The following AGBL4 variants were observed in gnomAD, a reference collection of about 807,000 sequenced individuals.
AGBL4 encodes cytosolic carboxypeptidase 6.
Under a neutral mutation model 66.4 loss-of-function variants are expected in AGBL4, and 58 were observed. The observed-to-expected ratio is 0.87, with a 90% CI of 0.71 to 1.09. The LOEUF (loss-of-function observed/expected upper bound fraction) is 1.09, where lower values mean the gene tolerates loss of function less well. Among genes scored for constraint, AGBL4 ranks in the 50% least tolerant of loss-of-function variants. AGBL4 has a pLI of 0.00. For missense variants in AGBL4, 579 were observed against 631.0 expected (o/e 0.92, Z 0.88); for synonymous variants, 234 against 222.9 (o/e 1.05, Z -0.44).
At chr1:49,749,527 A>G (rs1357977632) in intron 2 of AGBL4, among the ~76,000 whole-genome samples, 2 of 152,228 alleles carry the variant, frequency 1.3e-5, no homozygotes, top group African/African-American at 2.4e-5. Flanking sequence ...CAAATTAACT[A>G]CTTGAGCCAA....
chr1:48,900,212 G>C lies in AGBL4; in HGVS notation c.595-32982C>G, dbSNP rs538045113. Among the ~76,000 whole-genome samples the C allele has an allele frequency of 1.2e-3, 185 of 152,200 alleles. 1 individual carries two copies. Among genetic ancestry groups the C allele is most frequent in the Middle Eastern group, 6.8e-3 (2 of 294 alleles). On this transcript the variant is annotated intron_variant, in intron 5 of 13. Coordinates refer to ENST00000371839, the MANE Select transcript of AGBL4 (RefSeq NM_032785.4). ...CCAAGAAAGATGAGGCTAGAGAGGA[G>C]AGAAGGGTGCAGACCCCACACAGCC...
intron 8 of AGBL4, among the ~76,000 whole-genome samples, chr1:48,638,019 T>C (rs1162739695): frequency 1.3e-5 from 2 of 152,224 alleles, no homozygotes; most frequent in East Asian, 3.8e-4. Context: ...AATTGTATCC[T>C]TAGAGATGCT....
chr1:49,588,734 T>C (rs1397468644), intron 3 of AGBL4, among the ~76,000 whole-genome samples: 3 of 152,178 alleles, frequency 2.0e-5, no homozygotes, highest in Non-Finnish European at 4.4e-5. Flanking sequence ...ACATACTAGG[T>C]ACTGAAGAAT....
chr1:48,529,176 C>T (rs1464965092), downstream of AGBL4, among the ~76,000 whole-genome samples: 1 of 152,014 alleles, frequency 6.6e-6, no homozygotes, highest in African/African-American at 2.4e-5. Context: ...ACACTGATCC[C>T]TCAGTGTGAC....
intron 5 of AGBL4, among the ~76,000 whole-genome samples, chr1:49,024,950 A>C (rs568972549): frequency 6.6e-6 from 1 of 152,222 alleles, no homozygotes; most frequent in Non-Finnish European, 1.5e-5. Flanking sequence ...TTCTACTTAC[A>C]TTTTAACTAA....
At chr1:49,981,441 A>G (rs1208216250) in intron 1 of AGBL4, among the ~76,000 whole-genome samples, 1 of 152,112 alleles carries the variant, frequency 6.6e-6, no homozygotes, top group Non-Finnish European at 1.5e-5. Context: ...GCTTTAACTG[A>G]CCTTTCCAAT....
intron 3 of AGBL4, among the ~76,000 whole-genome samples, chr1:49,302,792 G>C (rs374117546): frequency 2.0e-5 from 3 of 151,624 alleles, no homozygotes; most frequent in Non-Finnish European, 4.4e-5. Context: ...ACATGCATTA[G>C]CTATTTATCC....
chr1:48,774,169 A>G (rs917994723), intron 6 of AGBL4, among the ~76,000 whole-genome samples: 3 of 152,238 alleles, frequency 2.0e-5, no homozygotes, highest in Non-Finnish European at 4.4e-5. Flanking sequence ...ATCAATTAAT[A>G]GCTAATCCAC....
intron 1 of AGBL4, among the ~76,000 whole-genome samples, chr1:49,936,489 C>A (rs1013817823): frequency 3.3e-5 from 5 of 152,036 alleles, no homozygotes; most frequent in Non-Finnish European, 7.4e-5. Context: ...ACAGAGAACG[C>A]CACAAAGATA....
chr1:48,524,516 G>C, the AGBL4 span, among the ~76,000 whole-genome samples: 6 of 152,166 alleles, frequency 3.9e-5, no homozygotes, highest in South Asian at 8.3e-4. Flanking sequence ...ATCGTGCTGA[G>C]CACAGTCCCT....
intron 3 of AGBL4, among the ~76,000 whole-genome samples, chr1:49,590,074 T>C (rs1231160442): frequency 6.6e-6 from 1 of 152,054 alleles, no homozygotes; most frequent in Non-Finnish European, 1.5e-5. Context: ...TAAATTGATA[T>C]AGAAATGTAT....
At chr1:49,745,978 A>C (rs1650955922) in intron 2 of AGBL4, among the ~76,000 whole-genome samples, 1 of 152,062 alleles carries the variant, frequency 6.6e-6, no homozygotes, top group South Asian at 2.1e-4. Flanking sequence ...ACCAGAAATT[A>C]TGCATAATTA....
chr1:49,296,440 G>A (rs1414920778), intron 3 of AGBL4, among the ~76,000 whole-genome samples: 5 of 152,100 alleles, frequency 3.3e-5, no homozygotes, highest in East Asian at 1.9e-4. Flanking sequence ...CTATGGTTAA[G>A]GTATCATAGA....
At chr1:48,733,343 A>T (rs1648464754) in intron 6 of AGBL4, among the ~76,000 whole-genome samples, 1 of 152,152 alleles carries the variant, frequency 6.6e-6, no homozygotes, top group East Asian at 1.9e-4. Context: ...AGCCCCAAAT[A>T]AGGAACTCCT....
intron 5 of AGBL4, among the ~76,000 whole-genome samples, chr1:49,026,733 G>T (rs1663726708): frequency 6.6e-6 from 1 of 152,110 alleles, no homozygotes; most frequent in Non-Finnish European, 1.5e-5. Flanking sequence ...AAATGGTGCA[G>T]AATTTTTGTT....
At chr1:48,793,767 C>T (rs530706177) in intron 6 of AGBL4, among the ~76,000 whole-genome samples, 81 of 152,146 alleles carry the variant, frequency 5.3e-4, no homozygotes, top group Non-Finnish European at 9.7e-4. Flanking sequence ...ATTATTATCT[C>T]TAAGCACACT....
chr1:48,659,289 G>C (rs192349938), intron 7 of AGBL4, among the ~76,000 whole-genome samples: 95 of 152,258 alleles, frequency 6.2e-4, no homozygotes, highest in African/African-American at 2.2e-3. Flanking sequence ...TCAGGAAATA[G>C]GGGCTGTGAG....
intron 5 of AGBL4, among the ~76,000 whole-genome samples, chr1:49,016,861 G>C (rs115525025): frequency 0.01 from 1,576 of 152,274 alleles, 24 homozygotes; most frequent in African/African-American, 0.036. Flanking sequence ...TACTGTCCTT[G>C]AGACCACACA....
intron 2 of AGBL4, among the ~76,000 whole-genome samples, chr1:49,771,709 A>C (rs1189614440): frequency 6.6e-6 from 1 of 152,074 alleles, no homozygotes; most frequent in East Asian, 1.9e-4. Flanking sequence ...CAATTGTTAC[A>C]CATTATTGAA....
Sources: gnomAD v4.1 joint callset for allele counts (sites outside exome capture counted in the v4.1 genomes callset) on GRCh38, gnomAD v4.1.1 for gene constraint, MANE v1.5 for transcripts, NCBI Gene and HGNC (gene_info 2026-07-23, HGNC 2026-07-21) for gene names.